The following ZHX2 variants were observed in gnomAD, a reference collection of about 807,000 sequenced individuals.
ZHX2 encodes the protein zinc fingers and homeoboxes 2.
In ZHX2, 6 loss-of-function variants were observed where a neutral mutation model predicts 21.9. The ratio of observed to expected loss-of-function variants is 0.27; its 90% CI spans 0.15 to 0.54. The LOEUF (loss-of-function observed/expected upper bound fraction) is 0.54. Among genes scored for constraint, ZHX2 ranks in the 20% least tolerant of loss-of-function variants. The pLI, the probability that ZHX2 is intolerant of heterozygous loss-of-function variation, is 0.95. For missense variants in ZHX2, 908 were observed against 1,090.7 expected (o/e 0.83, Z 2.36); for synonymous variants, 434 against 437.1 (o/e 0.99, Z 0.09).
At position 122,782,857 on chromosome 8, in the gene ZHX2, C is replaced by CAAAAAAAAA; in HGVS notation, c.-283+913_-283+914insAAAAAAAAA. Reference sequence around the variant, plus strand: ...CAGCTGGCGCTTTTCGTCTGCCCCACAAGAGGTTAATCTTTGTTGGTGTTG... The same window carrying CAAAAAAAAA: ...CAGCTGGCGCTTTTCGTCTGCCCCACAAAAAAAAAAAGAGGTTAATCTTTGTTGGTGTTG... On this transcript the variant is annotated intron_variant, in intron 1 of 3. Transcript: ENST00000314393. This position sits in a 1 kb window ranked among gnomAD's most constrained non-coding sequence, Gnocchi z 5.3. Among the ~76,000 whole-genome samples the CAAAAAAAAA allele has an allele frequency of 6.6e-6, 1 of 152,240 alleles. No individual in the cohort carries two copies. The highest frequency in any genetic ancestry group is 1.5e-5 in the Non-Finnish European group (1 of 68,040).
intron 2 of ZHX2, among the ~76,000 whole-genome samples, chr8:122,911,204 G>A (rs1361566248): frequency 6.7e-6 from 1 of 150,372 alleles, no homozygotes; most frequent in Non-Finnish European, 1.5e-5. Context: ...TGGGCCACTG[G>A]TAGGATCTCT....
chr8:122,929,186 C>T (rs970075707), intron 2 of ZHX2, among the ~76,000 whole-genome samples: 3 of 152,166 alleles, frequency 2.0e-5, no homozygotes, highest in Non-Finnish European at 2.9e-5. Flanking sequence ...TAACACCAGG[C>T]GCACTTACTT....
intron 1 of ZHX2, among the ~76,000 whole-genome samples, chr8:122,798,396 AAG>A (rs1360794623): frequency 2.6e-5 from 4 of 152,112 alleles, no homozygotes; most frequent in African/African-American, 9.7e-5. Flanking sequence ...ATATCATTTA[AAG>A]GTAGCTGCAG....
chr8:122,848,381 C>A (rs553783347), intron 1 of ZHX2, among the ~76,000 whole-genome samples: 1 of 152,172 alleles, frequency 6.6e-6, no homozygotes, highest in Non-Finnish European at 1.5e-5. Context: ...TGCTCTCCCC[C>A]ATGGCCTGCA....
intron 3 of ZHX2, among the ~76,000 whole-genome samples, chr8:122,971,616 A>G (rs1813726082): frequency 6.7e-6 from 1 of 150,238 alleles, no homozygotes; most frequent in Admixed American, 6.6e-5. Context: ...CTGTACAAAA[A>G]AAAAAAAAAA....
chr8:122,954,356 G>T (rs537464057), intron 3 of ZHX2, among the ~76,000 whole-genome samples: 9 of 152,286 alleles, frequency 5.9e-5, no homozygotes, highest in Admixed American at 2.6e-4. Flanking sequence ...CACCCAGGCT[G>T]CAGTGCAGTG....
In ZHX2 at chr8:122,889,838, G is replaced by A. The variant is rs114327309; in HGVS notation, c.-220+26299G>A. ...TGCAGATTTTGGTATAGATGATGGA[G>A]GTTGGGGGATGGGGGGATCCTGGAA... On this transcript the variant is annotated intron_variant, in intron 2 of 3. Transcript: ENST00000314393. Among the ~76,000 whole-genome samples, 519 of 152,262 alleles carry A rather than the reference G, an allele frequency of 3.4e-3. 7 individuals are homozygous for A. The highest frequency in any genetic ancestry group is 0.012 in the African/African-American group (503 of 41,566).
chr8:122,952,801 C>CCCAAGGTGG lies in ZHX2; in HGVS notation c.1296_1304dup (p.Lys432_Ala434dup). On this transcript the variant is annotated inframe_insertion, in exon 3 of 4. Transcript: ENST00000314393. This position sits in a 1 kb window ranked among gnomAD's most constrained non-coding sequence, Gnocchi z 6.9. ...CATCGCTCAGGTGCCAGAGCCCCCA[C>CCCAAGGTGG]CCAAGGTGGCCAACCCCCCGCTCAC... 6.2e-7 allele frequency: 1 copy of CCCAAGGTGG among 1,614,108 alleles called. No individual in the cohort carries two copies. Among genetic ancestry groups the CCCAAGGTGG allele is most frequent in the Non-Finnish European group, 8.5e-7 (1 of 1,180,016 alleles).
chr8:122,784,666 A>G (rs1048627372), intron 1 of ZHX2, among the ~76,000 whole-genome samples: 2 of 152,246 alleles, frequency 1.3e-5, no homozygotes, highest in Non-Finnish European at 2.9e-5. Flanking sequence ...TTATACTAAT[A>G]AGAACCCATA....
At chr8:122,825,730 C>T (rs1054583313) in intron 1 of ZHX2, among the ~76,000 whole-genome samples, 1 of 152,160 alleles carries the variant, frequency 6.6e-6, no homozygotes. Context: ...CCTGCAACCT[C>T]AAAGAGAGAC....
chr8:122,802,345 G>A (rs1817736632), intron 1 of ZHX2, among the ~76,000 whole-genome samples: 2 of 152,208 alleles, frequency 1.3e-5, no homozygotes, highest in African/African-American at 4.8e-5. Flanking sequence ...TTAGAGGCGT[G>A]AGCCACCATG....
At position 122,896,745 on chromosome 8, in the gene ZHX2, C is replaced by A. The variant is rs543774535; in HGVS notation, c.-220+33206C>A. 3.9e-5 allele frequency among the ~76,000 whole-genome samples: 6 copies of A among 152,314 alleles called. No homozygotes were observed. The East Asian group carries it at 1.2e-3, about 29-fold the overall frequency. ...CCAGTCCCTGCTCTGCTGCCCTCTA[C>A]CTCCCTGTGTTCCTGGTCTAAGCAC... On this transcript the variant is annotated intron_variant, in intron 2 of 3. Coordinates refer to ENST00000314393, the MANE Select transcript of ZHX2 (RefSeq NM_014943.5).
At chr8:122,790,654 C>A (rs1192252774) in intron 1 of ZHX2, among the ~76,000 whole-genome samples, 1 of 152,200 alleles carries the variant, frequency 6.6e-6, no homozygotes, top group African/African-American at 2.4e-5. Context: ...GTTGCCCAGG[C>A]TGGAGTGCAA....
chr8:122,816,533 C>T (rs1162993261), intron 1 of ZHX2: 3 of 151,256 alleles, frequency 2.0e-5, no homozygotes, highest in African/African-American at 7.3e-5. Context: ...GCAACCTCCG[C>T]CTCCTGGGTT....
At chr8:122,859,941 T>C (rs1307178085) in intron 1 of ZHX2, among the ~76,000 whole-genome samples, 2 of 152,258 alleles carry the variant, frequency 1.3e-5, no homozygotes, top group Non-Finnish European at 2.9e-5. Context: ...AATAACTATA[T>C]GTATATTTAA....
intron 2 of ZHX2, among the ~76,000 whole-genome samples, chr8:122,895,633 C>G (rs1388455987): frequency 2.0e-5 from 3 of 152,036 alleles, no homozygotes; most frequent in Non-Finnish European, 4.4e-5. Context: ...TATTTTCACA[C>G]CCATTATATT....
intron 2 of ZHX2, among the ~76,000 whole-genome samples, chr8:122,929,628 G>A (rs1329609292): frequency 4.7e-5 from 7 of 148,358 alleles, no homozygotes; most frequent in Non-Finnish European, 7.4e-5. Flanking sequence ...GGGTGACAGC[G>A]AGACCATGTC....
chr8:122,964,067 C>G (rs765988020), intron 3 of ZHX2, among the ~76,000 whole-genome samples: 1 of 152,006 alleles, frequency 6.6e-6, no homozygotes, highest in East Asian at 1.9e-4. Flanking sequence ...TTAGGGTTTT[C>G]TAGGTATATA....
At chr8:122,822,581 A>T (rs1324262460) in intron 1 of ZHX2, among the ~76,000 whole-genome samples, 1 of 152,230 alleles carries the variant, frequency 6.6e-6, no homozygotes, top group Non-Finnish European at 1.5e-5. Flanking sequence ...GGTGAAAAGA[A>T]GGTGACGAGA....
Sources: gnomAD v4.1 joint callset for allele counts (sites outside exome capture counted in the v4.1 genomes callset) on GRCh38, gnomAD v4.1.1 for gene constraint, Gnocchi (gnomAD v3.1) non-coding constraint, MANE v1.5 for transcripts, NCBI Gene and HGNC (gene_info 2026-07-23, HGNC 2026-07-21) for gene names.